SESTD1: variants seen among roughly 807,000 people sequenced by gnomAD.
SESTD1 encodes the protein SEC14 domain and spectrin repeat-containing protein 1.
SESTD1 carries 43 observed loss-of-function variants against 101.7 expected under a neutral mutation model. That is an observed-to-expected ratio of 0.42 (90% CI 0.33 to 0.55). The LOEUF is 0.55. Ranked by LOEUF, SESTD1 falls within the 20% of genes least tolerant of loss-of-function variation. The pLI is 0.07. For missense variants in SESTD1, 647 were observed against 815.1 expected (o/e 0.79, Z 2.51); for synonymous variants, 283 against 286.8 (o/e 0.99, Z 0.13).
chr2:179,150,933 A>G (rs2045512703), intron 6 of SESTD1, among the ~76,000 whole-genome samples: 1 of 152,222 alleles, frequency 6.6e-6, no homozygotes, highest in South Asian at 2.1e-4. Context: ...GTGCCACTAT[A>G]TCATGTCTGG....
chr2:179,237,650 T>A (rs1179964938), intron 1 of SESTD1, among the ~76,000 whole-genome samples: 6 of 152,208 alleles, frequency 3.9e-5, no homozygotes, highest in Admixed American at 3.9e-4. Context: ...GGAAAGTGAT[T>A]TTTTTCCATG....
chr2:179,207,299 C>T (rs2046602933), intron 1 of SESTD1, among the ~76,000 whole-genome samples: 1 of 135,102 alleles, frequency 7.4e-6, no homozygotes, highest in Admixed American at 7.2e-5. Flanking sequence ...ATTACAGTAA[C>T]TCAACAGAAT....
intron 1 of SESTD1, among the ~76,000 whole-genome samples, chr2:179,222,912 A>T (rs941007892): frequency 1.2e-4 from 19 of 152,292 alleles, no homozygotes; most frequent in Admixed American, 3.3e-4. Flanking sequence ...AAAAACACTT[A>T]AATAGCAGAT....
At chr2:179,160,805 C>CT (rs112546498) in intron 5 of SESTD1, among the ~76,000 whole-genome samples, 13,861 of 150,856 alleles carry the variant, frequency 0.092, 2,081 homozygotes, top group African/African-American at 0.32. Context: ...TATCATTCTA[C>CT]TTTTTTTTTG....
intron 12 of SESTD1, 22 bp downstream of exon 12, chr2:179,123,693 A>AG: frequency 6.5e-7 from 1 of 1,530,080 alleles, no homozygotes; most frequent in Non-Finnish European, 9.0e-7. Context: ...CTTATGTTTC[A>AG]GCATTTTTAA....
At chr2:179,110,051 A>G (rs2044472961) in intron 17 of SESTD1, 23 bp from the exon 18 acceptor site, 1 of 1,612,220 alleles carries the variant, frequency 6.2e-7, no homozygotes, top group African/African-American at 1.3e-5. Flanking sequence ...ACACACAGAA[A>G]AACCTCAGAT....
At chr2:179,188,378 A>C (rs780551650) in intron 2 of SESTD1, among the ~76,000 whole-genome samples, 13 of 152,360 alleles carry the variant, frequency 8.5e-5, no homozygotes, top group South Asian at 8.3e-4. Context: ...GTTTTGAGAT[A>C]AATGAAAACA....
intron 2 of SESTD1, among the ~76,000 whole-genome samples, chr2:179,188,978 C>T (rs994535557): frequency 6.6e-6 from 1 of 152,126 alleles, no homozygotes; most frequent in Non-Finnish European, 1.5e-5. Context: ...TAGATGGATT[C>T]ACAGCCAAAT....
intron 5 of SESTD1, among the ~76,000 whole-genome samples, chr2:179,156,185 C>T (rs1217263521): frequency 6.6e-6 from 1 of 151,610 alleles, no homozygotes; most frequent in African/African-American, 2.4e-5. Context: ...TATATATACA[C>T]ATATATATAT....
chr2:179,185,318 T>C (rs1490480054), intron 2 of SESTD1, among the ~76,000 whole-genome samples: 1 of 148,308 alleles, frequency 6.7e-6, no homozygotes, highest in East Asian at 2.0e-4. Flanking sequence ...GAGTATAATA[T>C]ATAATATAGC....
chr2:179,248,527 A>G (rs545826327), intron 1 of SESTD1, among the ~76,000 whole-genome samples: 4 of 152,268 alleles, frequency 2.6e-5, no homozygotes, highest in African/African-American at 9.6e-5. Context: ...GATTATACAA[A>G]GTAATCAAGG....
At chr2:179,183,250 T>C (rs1255878658) in intron 2 of SESTD1, 62 bp from the exon 3 acceptor site, 6 of 995,824 alleles carry the variant, frequency 6.0e-6, no homozygotes, top group South Asian at 5.5e-5. Flanking sequence ...CTGAATAATA[T>C]ACATTTGAAT....
chr2:179,213,639 T>C (rs2046680484), intron 1 of SESTD1, among the ~76,000 whole-genome samples: 1 of 133,640 alleles, frequency 7.5e-6, no homozygotes. Context: ...ATTTAGGAAA[T>C]ACAAAGAATA....
intron 5 of SESTD1, among the ~76,000 whole-genome samples, chr2:179,159,528 A>G (rs2045693733): frequency 6.6e-6 from 1 of 152,220 alleles, no homozygotes. Flanking sequence ...AAAACTGTGT[A>G]GAGATTTCTA....
At chr2:179,177,394 A>C (rs2046030163) in intron 3 of SESTD1, among the ~76,000 whole-genome samples, 1 of 152,162 alleles carries the variant, frequency 6.6e-6, no homozygotes, top group African/African-American at 2.4e-5. Flanking sequence ...TATCAGAGCA[A>C]GATTTTGGTA....
At chr2:179,183,011 A>G in intron 3 of SESTD1, 69 bp downstream of exon 3, 1 of 1,064,576 alleles carries the variant, frequency 9.4e-7, no homozygotes, top group African/African-American at 1.6e-5. Context: ...ATAATTCAAC[A>G]ATAGAAAGAA....
chr2:179,169,833 G>A (rs1056565532), intron 5 of SESTD1, among the ~76,000 whole-genome samples: 3 of 152,054 alleles, frequency 2.0e-5, no homozygotes, highest in Non-Finnish European at 4.4e-5. Context: ...AATTAGCTGG[G>A]TGTGGTGGTG....
At chr2:179,185,847 T>C (rs2046219828) in intron 2 of SESTD1, among the ~76,000 whole-genome samples, 1 of 132,770 alleles carries the variant, frequency 7.5e-6, no homozygotes, top group Non-Finnish European at 1.5e-5. Context: ...TAATATAGCA[T>C]GTACAATATA....
At chr2:179,241,148 G>C (rs1465786866) in intron 1 of SESTD1, among the ~76,000 whole-genome samples, 3 of 152,126 alleles carry the variant, frequency 2.0e-5, no homozygotes, top group South Asian at 2.1e-4. Flanking sequence ...ATAGAATATA[G>C]TAGAAGTTGC....
Sources: allele counts gnomAD v4.1 joint callset (sites outside exome capture counted in the v4.1 genomes callset), GRCh38; gene constraint gnomAD v4.1.1; transcripts MANE v1.5; gene names NCBI Gene and HGNC (gene_info 2026-07-23, HGNC 2026-07-21).